Variants in EPHA3 observed in about 807,000 individuals in gnomAD.
EPHA3 encodes the protein ephrin type-A receptor 3.
A neutral mutation model predicts 107.1 loss-of-function variants in EPHA3; 42 were observed. The observed-to-expected ratio is 0.39, with a 90% CI of 0.31 to 0.51. EPHA3 has a LOEUF of 0.51. Among genes scored for constraint, EPHA3 ranks in the 20% least tolerant of loss-of-function variants. The pLI is 0.78. For missense variants in EPHA3, 1,183 were observed against 1,211.2 expected (o/e 0.98, Z 0.35); for synonymous variants, 461 against 424.8 (o/e 1.09, Z -1.05).
chr3:89,221,599 T>C (rs571017942), intron 3 of EPHA3, among the ~76,000 whole-genome samples: 1 of 152,322 alleles, frequency 6.6e-6, no homozygotes, highest in East Asian at 1.9e-4. Context: ...CATACATACA[T>C]TTAAATTACT....
chr3:89,203,683 A>G (rs1706030615), intron 2 of EPHA3, among the ~76,000 whole-genome samples: 2 of 152,218 alleles, frequency 1.3e-5, no homozygotes, highest in South Asian at 4.2e-4. Flanking sequence ...AGGCTGAGGC[A>G]GGAGAATGGC....
intron 3 of EPHA3, among the ~76,000 whole-genome samples, chr3:89,323,606 A>C (rs936051185): frequency 6.6e-6 from 1 of 152,138 alleles, no homozygotes; most frequent in Non-Finnish European, 1.5e-5. Flanking sequence ...CAAAAAGCTT[A>C]TATTGGAGTT....
rs113558368 is a variant in EPHA3, at chr3:89,322,738, A to G, written c.815-18178A>G. ...GTAATCATTTCAATTACCCCTGAGG[A>G]GATCCATTCAGCTTTGGTGCTTTTA... On this transcript the variant is annotated intron_variant, in intron 3 of 16. Transcript: ENST00000336596. Among the ~76,000 whole-genome samples, 706 of 152,250 alleles carry G rather than the reference A, an allele frequency of 4.6e-3. 4 individuals are homozygous for G. The highest frequency in any genetic ancestry group is 0.016 in the African/African-American group (674 of 41,552).
intron 2 of EPHA3, among the ~76,000 whole-genome samples, chr3:89,149,752 T>G (rs1321104260): frequency 6.6e-6 from 1 of 151,572 alleles, no homozygotes; most frequent in Non-Finnish European, 1.5e-5. Context: ...TGGGTATTTA[T>G]CTTTATAATA....
chr3:89,256,572 GAAATAAATAAATAAATAAAT>G (rs370171364), intron 3 of EPHA3, among the ~76,000 whole-genome samples: 5 of 148,570 alleles, frequency 3.4e-5, no homozygotes, highest in Non-Finnish European at 7.4e-5. Context: ...CAAAAATAAG[GAAATAAATAAATAAATAAAT>G]AAATAAATAA....
chr3:89,400,088 C>A, intron 7 of EPHA3: 13 of 1,015,726 alleles, frequency 1.3e-5, no homozygotes, highest in Non-Finnish European at 1.5e-5. Context: ...TAAAAAAGCC[C>A]TTTGCTAAAA....
Position 89,407,314 on chromosome 3 carries a change from T to C in EPHA3, c.1640T>C (p.Ile547Thr), listed in dbSNP as rs1172547285. ...AGTAGCCAAGTGGTCATGATCGCCA[T>C]TTCAGCGGCAGTAGCAATTATTCTC... Reference protein sequence around the residue: ...GESSQVVMIAISAAVAIILLT... With the variant: ...GESSQVVMIATSAAVAIILLT... The change falls in exon 8 of 17, where the codon ATT (isoleucine) becomes ACT (threonine). Residue 547 changes from isoleucine to threonine, a missense_variant. Transcript: ENST00000336596. 6.2e-7 allele frequency: 1 copy of C among 1,613,648 alleles called. No individual in the cohort carries two copies. Among genetic ancestry groups the C allele is most frequent in the Admixed American group, 1.7e-5 (1 of 59,986 alleles).
intron 13 of EPHA3, among the ~76,000 whole-genome samples, chr3:89,442,215 A>G (rs919903824): frequency 6.6e-6 from 1 of 152,150 alleles, no homozygotes; most frequent in Non-Finnish European, 1.5e-5. Flanking sequence ...AAAATTCCAG[A>G]AGGGATATTA....
At chr3:89,430,269 G>C (rs1338863994) in intron 12 of EPHA3, among the ~76,000 whole-genome samples, 1 of 152,052 alleles carries the variant, frequency 6.6e-6, no homozygotes, top group African/African-American at 2.4e-5. Flanking sequence ...CAGAAAGATA[G>C]ATAGATAAAT....
At chr3:89,158,887 C>T (rs1021372361) in intron 2 of EPHA3, among the ~76,000 whole-genome samples, 20 of 151,976 alleles carry the variant, frequency 1.3e-4, no homozygotes, top group African/African-American at 4.3e-4. Context: ...TATATTTGCC[C>T]TTAATTTTGT....
At chr3:89,422,124 A>G (rs1559690295) in intron 11 of EPHA3, among the ~76,000 whole-genome samples, 1 of 150,704 alleles carries the variant, frequency 6.6e-6, no homozygotes, top group South Asian at 2.1e-4. Context: ...ATAAGCTCTT[A>G]GTCTGGCACC....
At chr3:89,181,166 T>C (rs1705434601) in intron 2 of EPHA3, among the ~76,000 whole-genome samples, 1 of 152,040 alleles carries the variant, frequency 6.6e-6, no homozygotes, top group Non-Finnish European at 1.5e-5. Flanking sequence ...TTCTTTTATA[T>C]TGAAGTTTAC....
intron 2 of EPHA3, among the ~76,000 whole-genome samples, chr3:89,157,887 A>C (rs936990439): frequency 6.6e-6 from 1 of 151,752 alleles, no homozygotes; most frequent in African/African-American, 2.4e-5. Context: ...GAAAGAAGTC[A>C]GGGGAAAGAG....
intron 3 of EPHA3, among the ~76,000 whole-genome samples, chr3:89,301,521 G>A (rs1289130337): frequency 6.6e-6 from 1 of 151,982 alleles, no homozygotes; most frequent in African/African-American, 2.4e-5. Context: ...TGAATCACAT[G>A]ACCCCTCAAT....
At chr3:89,450,057 G>A (rs1233209938) in intron 14 of EPHA3, 120 bp from the exon 15 acceptor site, 6 of 735,912 alleles carry the variant, frequency 8.2e-6, no homozygotes, top group Admixed American at 7.0e-5. Context: ...AACTAAAAAT[G>A]AGAAGTTTTC....
rs55712516 is a variant in EPHA3, at chr3:89,407,364, A to G, written c.1690A>G (p.Ile564Val). ...ILLTVVIYVL[I>V]GRFCGYKSKH... Reference sequence around the variant, plus strand: ...CCTCACTGTTGTCATCTATGTTTTGATTGGGAGGTGAGTTCACAGTCTGTT... The same window carrying G: ...CCTCACTGTTGTCATCTATGTTTTGGTTGGGAGGTGAGTTCACAGTCTGTT... The change falls in exon 8 of 17, where the codon ATT becomes GTT. Residue 564 changes from isoleucine to valine, a missense_variant. Physicochemically the swap from Ile to Val is conservative, Grantham distance 29. Transcript: ENST00000336596. 2,021 of 1,612,954 alleles carry G rather than the reference A, an allele frequency of 1.3e-3. 22 individuals carry two copies. The African/African-American group carries it at 0.021, about 16-fold the overall frequency.
chr3:89,301,207 T>C (rs1260008443), intron 3 of EPHA3, among the ~76,000 whole-genome samples: 1 of 152,106 alleles, frequency 6.6e-6, no homozygotes, highest in South Asian at 2.1e-4. Context: ...ATGTCTCTCA[T>C]GGCGATGCAG....
At chr3:89,395,731 A>G (rs1273979599) in intron 5 of EPHA3, 106 bp from the exon 6 acceptor site, 2 of 1,356,802 alleles carry the variant, frequency 1.5e-6, no homozygotes, top group African/African-American at 1.5e-5. Context: ...TGGAACAATG[A>G]TAGACTCCAT....
At chr3:89,426,530 TG>T in intron 11 of EPHA3, among the ~76,000 whole-genome samples, 1 of 151,950 alleles carries the variant, frequency 6.6e-6, no homozygotes, top group East Asian at 1.9e-4. Flanking sequence ...AAATGCACGC[TG>T]ATGTGATTTC....
Sources: allele counts gnomAD v4.1 joint callset (sites outside exome capture counted in the v4.1 genomes callset), GRCh38; gene constraint gnomAD v4.1.1; transcripts MANE v1.5; gene names NCBI Gene and HGNC (gene_info 2026-07-23, HGNC 2026-07-21).